GALNTL6: variants seen among roughly 807,000 people sequenced by gnomAD.
The protein encoded by GALNTL6 is polypeptide N-acetylgalactosaminyltransferase like 6, also known as polypeptide N-acetylgalactosaminyltransferase-like 6.
A neutral mutation model predicts 73.7 loss-of-function variants in GALNTL6; 46 were observed. The observed-to-expected ratio is 0.62, with a 90% CI of 0.49 to 0.80. GALNTL6 has a LOEUF of 0.80. Ranked by LOEUF, GALNTL6 falls within the 30% of genes least tolerant of loss-of-function variation. GALNTL6 has a pLI of 0.00. For synonymous variants in GALNTL6, 259 were observed against 263.7 expected (o/e 0.98, Z 0.17); for missense variants, 604 against 755.0 (o/e 0.80, Z 2.34).
At position 172,177,791 on chromosome 4, in the gene GALNTL6, A is replaced by ATATATATACACACACATATGTGTGTG. The variant is rs1735075496; in HGVS notation, c.139-51846_139-51845insGTGTGTGTATATATACACACACATAT. Among the ~76,000 whole-genome samples, 13 of 101,790 alleles carry ATATATATACACACACATATGTGTGTG rather than the reference A, an allele frequency of 1.3e-4. 1 individual carries two copies. In the South Asian group the frequency reaches 2.0e-3, roughly 16 times the overall value. 66.8% of individuals were successfully genotyped at this position (101,790 alleles called of 152,430 possible). A position where few individuals can be genotyped will look rare whatever the true frequency, so the allele number is the denominator to read the frequency against. On this transcript the variant is annotated intron_variant, in intron 2 of 12. Coordinates refer to ENST00000506823, the MANE Select transcript of GALNTL6 (RefSeq NM_001034845.3). ...TATGTACACATATATACACATGTGT[A>ATATATATACACACACATATGTGTGTG]TATATATACACACACATATATGTGT...
At chr4:172,592,081 G>T (rs1283484123) in intron 5 of GALNTL6, among the ~76,000 whole-genome samples, 1 of 152,178 alleles carries the variant, frequency 6.6e-6, no homozygotes, top group Non-Finnish European at 1.5e-5. Context: ...CTAAGGCTGG[G>T]TAATTTGTTT....
intron 3 of GALNTL6, among the ~76,000 whole-genome samples, chr4:172,289,449 G>A (rs1039361918): frequency 6.6e-6 from 1 of 152,022 alleles, no homozygotes; most frequent in Non-Finnish European, 1.5e-5. Context: ...TGGTAATTAT[G>A]GCAATTTACC....
At chr4:172,990,917 T>C (rs970061920) in intron 10 of GALNTL6, among the ~76,000 whole-genome samples, 54 of 152,228 alleles carry the variant, frequency 3.5e-4, no homozygotes, top group African/African-American at 1.3e-3. Flanking sequence ...CATTTTATAT[T>C]TGAAAATGCT....
chr4:172,793,302 A>G (rs1740098040), intron 5 of GALNTL6, among the ~76,000 whole-genome samples: 1 of 152,206 alleles, frequency 6.6e-6, no homozygotes, highest in Non-Finnish European at 1.5e-5. Context: ...GATTTGATCT[A>G]GCACAAGTTT....
At chr4:172,747,624 T>C (rs1737181882) in intron 5 of GALNTL6, among the ~76,000 whole-genome samples, 1 of 151,922 alleles carries the variant, frequency 6.6e-6, no homozygotes, top group Non-Finnish European at 1.5e-5. Flanking sequence ...GAAAAAAAAC[T>C]AAATAAAGAA....
chr4:172,214,549 C>T (rs1360985664), intron 2 of GALNTL6, among the ~76,000 whole-genome samples: 2 of 144,288 alleles, frequency 1.4e-5, no homozygotes, highest in African/African-American at 5.1e-5. Context: ...AGAGTCTCCT[C>T]TGTCACCCAG....
intron 5 of GALNTL6, among the ~76,000 whole-genome samples, chr4:172,629,752 C>G (rs1739316015): frequency 6.6e-6 from 1 of 152,062 alleles, no homozygotes; most frequent in South Asian, 2.1e-4. Flanking sequence ...ATGGGAATTC[C>G]AATGATGATG....
At chr4:172,034,182 A>G (rs1313984823) in intron 2 of GALNTL6, among the ~76,000 whole-genome samples, 2 of 152,060 alleles carry the variant, frequency 1.3e-5, no homozygotes, top group Non-Finnish European at 2.9e-5. Flanking sequence ...CGACACGTAA[A>G]ATGCCACATC....
chr4:172,148,139 A>G (rs79994022), intron 2 of GALNTL6, among the ~76,000 whole-genome samples: 1,724 of 152,264 alleles, frequency 0.011, 16 homozygotes, highest in Middle Eastern at 0.037. Flanking sequence ...AATTAAGCCA[A>G]CAATTTATAT....
At chr4:172,518,432 G>A (rs1332123082) in intron 5 of GALNTL6, among the ~76,000 whole-genome samples, 1 of 151,844 alleles carries the variant, frequency 6.6e-6, no homozygotes, top group African/African-American at 2.4e-5. Context: ...TTTCACATTT[G>A]TACTAGAACT....
rs958080785 is a variant in GALNTL6, at chr4:172,014,564, C to G, written c.138+199846C>G. On this transcript the variant is annotated intron_variant, in intron 2 of 12. Transcript: ENST00000506823. ...CAATTTAATTTAGCTCTGCTCTGAT[C>G]TTTGTTATTTCTTTTCTTCTGCTGG... Among the ~76,000 whole-genome samples, 3 of 151,778 alleles carry G rather than the reference C, an allele frequency of 2.0e-5. No individual in the cohort carries two copies. In the East Asian group the frequency reaches 5.8e-4, roughly 29 times the overall value.
At chr4:172,282,438 G>A (rs1350338451) in intron 3 of GALNTL6, among the ~76,000 whole-genome samples, 1 of 152,106 alleles carries the variant, frequency 6.6e-6, no homozygotes, top group Admixed American at 6.5e-5. Flanking sequence ...TTGGAAAACA[G>A]TTTAGCAATA....
chr4:172,601,356 C>T (rs561721998), intron 5 of GALNTL6, among the ~76,000 whole-genome samples: 43 of 152,158 alleles, frequency 2.8e-4, no homozygotes, highest in Admixed American at 3.3e-4. Context: ...GGAGGTAGGG[C>T]CTAGTGGAAG....
At chr4:171,956,482 T>G (rs921881216) in intron 2 of GALNTL6, among the ~76,000 whole-genome samples, 3 of 152,166 alleles carry the variant, frequency 2.0e-5, no homozygotes, top group African/African-American at 7.2e-5. Flanking sequence ...CACATCTTTA[T>G]CAAGATCAAG....
chr4:171,946,536 A>G (rs1738707072), intron 2 of GALNTL6, among the ~76,000 whole-genome samples: 1 of 152,216 alleles, frequency 6.6e-6, no homozygotes, highest in Non-Finnish European at 1.5e-5. Flanking sequence ...CGTATTGCAC[A>G]GTAGGCATTC....
intron 7 of GALNTL6, among the ~76,000 whole-genome samples, chr4:172,879,058 A>G (rs906484586): frequency 6.6e-6 from 1 of 151,908 alleles, no homozygotes; most frequent in Admixed American, 6.6e-5. Context: ...TAATTCATCA[A>G]GAACAACAAC....
intron 5 of GALNTL6, among the ~76,000 whole-genome samples, chr4:172,664,957 T>C (rs1247441724): frequency 1.3e-5 from 2 of 152,212 alleles, no homozygotes; most frequent in African/African-American, 4.8e-5. Flanking sequence ...CAATGAAGAA[T>C]GTGCAACAGA....
intron 2 of GALNTL6, among the ~76,000 whole-genome samples, chr4:172,087,158 C>T (rs1732059693): frequency 6.6e-6 from 1 of 152,060 alleles, no homozygotes; most frequent in Admixed American, 6.6e-5. Flanking sequence ...CAACATAGAG[C>T]ACTGGCCGGG....
At chr4:171,840,073 A>G (rs1321589232) in intron 2 of GALNTL6, among the ~76,000 whole-genome samples, 1 of 152,120 alleles carries the variant, frequency 6.6e-6, no homozygotes, top group African/African-American at 2.4e-5. Flanking sequence ...GGCCAGGGAT[A>G]TTTACTTTCA....
Sources: gnomAD v4.1 joint callset for allele counts (sites outside exome capture counted in the v4.1 genomes callset) on GRCh38, gnomAD v4.1.1 for gene constraint, MANE v1.5 for transcripts, NCBI Gene and HGNC (gene_info 2026-07-23, HGNC 2026-07-21) for gene names.